The following ITPA variants were observed in gnomAD, a reference collection of about 807,000 sequenced individuals.
ITPA encodes inosine triphosphatase.
Under a neutral mutation model 29.6 loss-of-function variants are expected in ITPA, and 29 were observed. That is an observed-to-expected ratio of 0.98 (90% CI 0.73 to 1.34). The LOEUF is 1.34. ITPA is among the 40% of genes most tolerant of loss of function. ITPA has a pLI of 0.00. For synonymous variants in ITPA, 103 were observed against 99.3 expected, an observed-to-expected ratio of 1.04 and a Z score of -0.22; for missense variants, 241 against 251.5, an observed-to-expected ratio of 0.96 and a Z score of 0.28.
Position 3,209,915 on chromosome 20 carries a change from C to G in ITPA, c.66+298C>G, listed in dbSNP as rs895756299. On this transcript the variant is annotated intron_variant, in intron 1 of 7. Coordinates refer to ENST00000380113, the MANE Select transcript of ITPA (RefSeq NM_033453.4). This position sits in a 1 kb window ranked among gnomAD's most constrained non-coding sequence, Gnocchi z 4.6. ...GTAGCGGGGCTCTTAACAACCGCCC[C>G]GAAGGTCACCTATTGAAGTAGACCC... Among the ~76,000 whole-genome samples the G allele has an allele frequency of 2.0e-5, 3 of 152,080 alleles. No homozygotes were observed. Among genetic ancestry groups the G allele is most frequent in the African/African-American group, 7.2e-5 (3 of 41,408 alleles).
At chr20:3,225,555 G>GTT, downstream of ITPA, among the ~76,000 whole-genome samples, 1 of 152,094 alleles carries the variant, frequency 6.6e-6, no homozygotes. Flanking sequence ...TGACACCCCG[G>GTT]GGAGGGCACA....
chr20:3,219,031 T>TATTC (rs1201109414), intron 6 of ITPA: 9 of 213,994 alleles, frequency 4.2e-5, no homozygotes, highest in Non-Finnish European at 8.7e-5. Context: ...CTGTTTATTT[T>TATTC]ATTTATTTAT....
intron 5 of ITPA, among the ~76,000 whole-genome samples, chr20:3,217,210 T>C (rs2067328973): frequency 1.3e-5 from 2 of 152,186 alleles, no homozygotes; most frequent in South Asian, 4.1e-4. Flanking sequence ...CTTTACATTA[T>C]AGAGCATTTC....
Position 3,223,468 on chromosome 20 carries a change from G to A in ITPA, c.*6G>A. The A allele has an allele frequency of 3.7e-6, 6 of 1,607,416 alleles. No homozygotes were observed. Among genetic ancestry groups the A allele is most frequent in the South Asian group, 1.1e-5 (1 of 90,016 alleles). Reference sequence around the variant, plus strand: ...TTGGCAGTTTGGCAGCTTGACTTCTGCAGCTGGAGGAGGCCCCTCAGGCCG... The same window carrying A: ...TTGGCAGTTTGGCAGCTTGACTTCTACAGCTGGAGGAGGCCCCTCAGGCCG... On this transcript the variant is annotated 3_prime_UTR_variant, in exon 8 of 8. Coordinates refer to ENST00000380113, the MANE Select transcript of ITPA (RefSeq NM_033453.4).
chr20:3,211,945 G>C (rs982949409), intron 1 of ITPA, among the ~76,000 whole-genome samples: 9 of 152,182 alleles, frequency 5.9e-5, no homozygotes, highest in African/African-American at 2.2e-4. Context: ...CACTTTGGGA[G>C]ACTGAGGCTC....
upstream of ITPA, among the ~76,000 whole-genome samples, chr20:3,205,592 T>C (rs147187174): frequency 1.3e-5 from 2 of 151,796 alleles, no homozygotes; most frequent in African/African-American, 4.8e-5. Flanking sequence ...TCCAGGTACT[T>C]GGGAAGATGA....
chr20:3,218,699 G>A (rs1048543574), intron 6 of ITPA, 67 bp downstream of exon 6: 6 of 1,244,328 alleles, frequency 4.8e-6, no homozygotes, highest in Non-Finnish European at 7.0e-6. Context: ...CGAGCCGACC[G>A]CCCCGAGTCT....
upstream of ITPA, chr20:3,204,789 G>T (rs1255754263): frequency 1.1e-5 from 7 of 641,776 alleles, no homozygotes; most frequent in East Asian, 2.0e-4. Context: ...AGTTTGGGGG[G>T]TGTAAAGAAA....
intron 6 of ITPA, among the ~76,000 whole-genome samples, chr20:3,219,746 C>CAAA (rs34376287): frequency 5.2e-5 from 6 of 115,186 alleles, no homozygotes; most frequent in Admixed American, 9.1e-5. Flanking sequence ...ACTCCGTCTC[C>CAAA]AAAAAAAAAA....
At chr20:3,221,223 T>G (rs923552721) in intron 6 of ITPA, among the ~76,000 whole-genome samples, 5 of 151,992 alleles carry the variant, frequency 3.3e-5, no homozygotes, top group Admixed American at 3.3e-4. Context: ...TCTTTTTTTT[T>G]TTTACTTTGA....
rs544357208 is a variant in ITPA, at chr20:3,222,633, G to A, written c.488+716G>A. On this transcript the variant is annotated intron_variant, in intron 7 of 7. Transcript: ENST00000380113. ...AAGTACCAGTTGTTCTCTGTAGTTC[G>A]CACAAATCGCCCCTTGTTCACACAA... 9.2e-5 allele frequency among the ~76,000 whole-genome samples: 14 copies of A among 152,268 alleles called. No individual in the cohort carries two copies. The South Asian group carries it at 2.3e-3, about 25-fold the overall frequency.
Position 3,218,542 on chromosome 20 carries a change from C to T in ITPA, c.321C>T (p.Phe107=). The T allele has an allele frequency of 6.2e-7, 1 of 1,613,914 alleles. No homozygotes were observed. The highest frequency in any genetic ancestry group is 8.5e-7 in the Non-Finnish European group (1 of 1,179,994). The change falls in exon 6 of 8, where the codon TTC becomes TTT. Residue 107 remains phenylalanine, a synonymous_variant. Transcript: ENST00000380113. ...PEGLHQLLAG[F]EDKSAYALCT... is the part of the protein sequence containing the mutation. ...GTCTCCACCAGCTCCTGGCCGGGTTCGAGGACAAGTCAGCCTATGCGCTCT... is the reference window on the plus strand; with the variant it reads ...GTCTCCACCAGCTCCTGGCCGGGTTTGAGGACAAGTCAGCCTATGCGCTCT...
chr20:3,217,903 TG>T (rs200150986), intron 5 of ITPA, among the ~76,000 whole-genome samples: 13 of 137,020 alleles, frequency 9.5e-5, no homozygotes, highest in African/African-American at 1.1e-4. Flanking sequence ...TTAGTTTTTG[TG>T]GGTTTTTTTT....
chr20:3,204,643 G>T (rs1276913267), upstream of ITPA: 4 of 1,569,088 alleles, frequency 2.5e-6, no homozygotes, highest in African/African-American at 1.3e-5. Flanking sequence ...GGGCCTCAGT[G>T]CAGAACCACT....
chr20:3,209,388 C>A, upstream of ITPA: 1 of 728,366 alleles, frequency 1.4e-6, no homozygotes, highest in Non-Finnish European at 2.5e-6. The surrounding 1 kb of genome is among the most constrained non-coding windows in gnomAD (Gnocchi z 4.6). Context: ...GCTAGGCCGC[C>A]ACCGCGAGCC....
chr20:3,223,335 G>A (rs773240357), intron 7 of ITPA, 31 bp from the exon 8 acceptor site: 1 of 1,548,356 alleles, frequency 6.5e-7, no homozygotes, highest in South Asian at 1.1e-5. Context: ...CCTGAATCTG[G>A]GCTCCCTGAG....
intron 5 of ITPA, 93 bp downstream of exon 5, chr20:3,215,405 C>T: frequency 2.6e-6 from 3 of 1,156,030 alleles, no homozygotes; most frequent in South Asian, 1.2e-5. Context: ...TCAGGAGTCC[C>T]AGGTTCTAGC....
downstream of ITPA, among the ~76,000 whole-genome samples, chr20:3,224,962 T>G (rs1048760275): frequency 6.6e-5 from 10 of 152,224 alleles, no homozygotes; most frequent in Non-Finnish European, 1.3e-4. Context: ...CCCAGCACTT[T>G]GGAAGGCCAA....
chr20:3,218,622 GC>G lies in ITPA; in HGVS notation c.403del (p.Arg135GlyfsTer89). The G allele has an allele frequency of 3.1e-6, 5 of 1,612,230 alleles. No homozygotes were observed. The highest frequency in any genetic ancestry group is 4.2e-6 in the Non-Finnish European group (5 of 1,178,716). On this transcript the variant is annotated frameshift_variant, in exon 6 of 8. Coordinates refer to ENST00000380113, the MANE Select transcript of ITPA (RefSeq NM_033453.4). LOFTEE classifies it high-confidence loss of function. ...AGCCAGCCCGTGCGCCTGTTCAGGG[GC>G]CGGACCTCGGTGCGTACCCACCTTG... ...DPSQPVRLFR[G>X]RTSGRIVAPR...
Sources: gnomAD v4.1 joint callset for allele counts (sites outside exome capture counted in the v4.1 genomes callset) on GRCh38, gnomAD v4.1.1 for gene constraint, Gnocchi (gnomAD v3.1) non-coding constraint, MANE v1.5 for transcripts, NCBI Gene and HGNC (gene_info 2026-07-23, HGNC 2026-07-21) for gene names.